Variants in BCAS3 observed in about 807,000 individuals in gnomAD.
The protein encoded by BCAS3 is BCAS3 microtubule associated cell migration factor, also known as BCAS4/BCAS3 fusion.
BCAS3 carries 53 observed loss-of-function variants against 116.1 expected under a neutral mutation model. The ratio of observed to expected loss-of-function variants is 0.46; its 90% CI spans 0.37 to 0.57. The LOEUF (loss-of-function observed/expected upper bound fraction) is 0.57. Among genes scored for constraint, BCAS3 ranks in the 20% least tolerant of loss-of-function variants. BCAS3 has a pLI of 0.00. For missense variants in BCAS3, 917 were observed against 1,165.4 expected (o/e 0.79, Z 3.10); for synonymous variants, 391 against 408.2 (o/e 0.96, Z 0.51).
Position 61,188,268 on chromosome 17 carries a change from T to A in BCAS3, c.2425+103704T>A, listed in dbSNP as rs566257906. Among the ~76,000 whole-genome samples, 1 of 152,352 alleles carries A rather than the reference T, an allele frequency of 6.6e-6. No homozygotes were observed. Among genetic ancestry groups the A allele is most frequent in the Admixed American group, 6.5e-5 (1 of 15,310 alleles). ...AGGATCTATTGAGTTGGTACCCTGA[T>A]ACCTGAAACCTCCTACTTCTCTTTT... On this transcript the variant is annotated intron_variant, in intron 22 of 23. Coordinates refer to ENST00000407086, the MANE Select transcript of BCAS3 (RefSeq NM_017679.5). This position sits in a 1 kb window ranked among gnomAD's most constrained non-coding sequence, Gnocchi z 4.0.
At chr17:60,970,797 A>T (rs145609300) in intron 14 of BCAS3, among the ~76,000 whole-genome samples, 1 of 152,198 alleles carries the variant, frequency 6.6e-6, no homozygotes. Flanking sequence ...TACAATCAGC[A>T]TTGTTGATTT....
At chr17:60,984,974 C>T (rs1354981991) in intron 14 of BCAS3, among the ~76,000 whole-genome samples, 8 of 135,236 alleles carry the variant, frequency 5.9e-5, no homozygotes, top group Non-Finnish European at 9.2e-5. Context: ...TGCACCACTG[C>T]ACTCTAGCCT....
intron 11 of BCAS3, among the ~76,000 whole-genome samples, chr17:60,903,794 G>A (rs2058046326): frequency 6.6e-6 from 1 of 152,120 alleles, no homozygotes; most frequent in African/African-American, 2.4e-5. Flanking sequence ...AAATTATGAT[G>A]GTTATTTCAA....
intron 16 of BCAS3, among the ~76,000 whole-genome samples, chr17:61,016,408 G>A (rs947759456): frequency 1.3e-5 from 2 of 152,162 alleles, no homozygotes; most frequent in African/African-American, 4.8e-5. Context: ...CAAAGCCAGT[G>A]CACTAAGATT....
intron 22 of BCAS3, among the ~76,000 whole-genome samples, chr17:61,193,439 C>A (rs1227395294): frequency 6.6e-6 from 1 of 151,980 alleles, no homozygotes; most frequent in African/African-American, 2.4e-5. Flanking sequence ...TGTCAATAAT[C>A]AAACTTCAAT....
intron 5 of BCAS3, among the ~76,000 whole-genome samples, chr17:60,723,922 A>G (rs1295098339): frequency 6.6e-6 from 1 of 150,638 alleles, no homozygotes; most frequent in Non-Finnish European, 1.5e-5. Flanking sequence ...GGGTTTCACC[A>G]TATTGGCCAG....
rs2050931435 is a variant in BCAS3, at chr17:61,278,145, C to T, written c.2426-90182C>T. Among the ~76,000 whole-genome samples, 1 of 152,192 alleles carries T rather than the reference C, an allele frequency of 6.6e-6. No individual in the cohort carries two copies. The highest frequency in any genetic ancestry group is 1.5e-5 in the Non-Finnish European group (1 of 68,040). On this transcript the variant is annotated intron_variant, in intron 22 of 23. Transcript: ENST00000407086. This position sits in a 1 kb window ranked among gnomAD's most constrained non-coding sequence, Gnocchi z 5.8. ...TCTGCCTCCCGGGTCCTGATTCAAG[C>T]AATTCTCCTGCCTCAGCCTCCCGAG...
At chr17:61,322,834 G>GAGAGAGAGAGAGAGAGAGAGAC (rs1568850659) in intron 22 of BCAS3, among the ~76,000 whole-genome samples, 2 of 131,824 alleles carry the variant, frequency 1.5e-5, no homozygotes, top group African/African-American at 6.8e-5. Context: ...GAGAGACAGA[G>GAGAGAGAGAGAGAGAGAGAGAC]AGAGAGAGAG....
chr17:61,177,863 T>G (rs1041013262), intron 22 of BCAS3, among the ~76,000 whole-genome samples: 1 of 152,198 alleles, frequency 6.6e-6, no homozygotes, highest in African/African-American at 2.4e-5. Flanking sequence ...ACCTGACTTG[T>G]TTCCAAACCC....
At chr17:60,839,456 C>A (rs896370074) in intron 7 of BCAS3, among the ~76,000 whole-genome samples, 1 of 152,090 alleles carries the variant, frequency 6.6e-6, no homozygotes, top group Non-Finnish European at 1.5e-5. Context: ...CCCCTTTGTG[C>A]CTGGTTACCT....
intron 22 of BCAS3, among the ~76,000 whole-genome samples, chr17:61,328,166 AAAAC>A (rs968403121): frequency 2.0e-5 from 3 of 152,204 alleles, no homozygotes; most frequent in Admixed American, 2.0e-4. Flanking sequence ...CTTTAAAAAA[AAAAC>A]CTTAATAACA....
At chr17:61,218,641 G>A (rs1022601853) in intron 22 of BCAS3, among the ~76,000 whole-genome samples, 1 of 152,166 alleles carries the variant, frequency 6.6e-6, no homozygotes, top group African/African-American at 2.4e-5. Context: ...CAGCTGATGG[G>A]CTGAACATCT....
At position 61,352,311 on chromosome 17, in the gene BCAS3, CA is replaced by C. The variant is rs959148592; in HGVS notation, c.2426-16013del. Among the ~76,000 whole-genome samples the C allele has an allele frequency of 2.0e-5, 3 of 152,114 alleles. No individual in the cohort carries two copies. Among genetic ancestry groups the C allele is most frequent in the African/African-American group, 7.2e-5 (3 of 41,416 alleles). ...TCTAATCCAGTATGTACCTTAGGCC[CA>C]AAGATAAAAAGATAGGTTTCTTTGC... is the stretch of plus-strand genomic sequence containing the variant. On this transcript the variant is annotated intron_variant, in intron 22 of 23. Coordinates refer to ENST00000407086, the MANE Select transcript of BCAS3 (RefSeq NM_017679.5). This position sits in a 1 kb window ranked among gnomAD's most constrained non-coding sequence, Gnocchi z 4.7.
At chr17:60,869,868 G>A (rs2054942179) in intron 8 of BCAS3, among the ~76,000 whole-genome samples, 2 of 152,134 alleles carry the variant, frequency 1.3e-5, no homozygotes, top group Non-Finnish European at 2.9e-5. Context: ...AAAGTACAGA[G>A]AAGATTTTTA....
intron 10 of BCAS3, among the ~76,000 whole-genome samples, chr17:60,891,325 G>T (rs1456658270): frequency 2.0e-5 from 3 of 152,156 alleles, no homozygotes; most frequent in African/African-American, 7.2e-5. Flanking sequence ...TGAGGGGAAA[G>T]AACTCCCTTC....
chr17:61,310,884 A>G (rs1254882398), intron 22 of BCAS3, among the ~76,000 whole-genome samples: 2 of 152,208 alleles, frequency 1.3e-5, no homozygotes, highest in African/African-American at 2.4e-5. Context: ...AGGATCTTCT[A>G]TGACATGAGT....
intron 6 of BCAS3, among the ~76,000 whole-genome samples, chr17:60,800,322 G>A (rs574154809): frequency 6.6e-6 from 1 of 152,228 alleles, no homozygotes; most frequent in South Asian, 2.1e-4. Flanking sequence ...GGTATGTAGT[G>A]ATGTCTCACT....
Position 60,920,920 on chromosome 17 carries a change from A to G in BCAS3, c.994-3487A>G, listed in dbSNP as rs1006006178. ...AACAACAACAACAACAACAACAACA[A>G]CAGATACTGGTGGGGCTGTGGAGAA... On this transcript the variant is annotated intron_variant, in intron 12 of 23. Transcript: ENST00000407086. Among the ~76,000 whole-genome samples, 6 of 140,028 alleles carry G rather than the reference A, an allele frequency of 4.3e-5. No homozygotes were observed. The East Asian group carries it at 8.3e-4, about 19-fold the overall frequency. 91.9% of individuals were successfully genotyped at this position (140,028 alleles called of 152,430 possible). A position where few individuals can be genotyped will look rare whatever the true frequency, so the allele number is the denominator to read the frequency against.
chr17:61,386,798 T>TTTTTG, intron 23 of BCAS3, among the ~76,000 whole-genome samples: 1 of 12,832 alleles, frequency 7.8e-5, no homozygotes, highest in Non-Finnish European at 4.8e-4. Context: ...TGTTTTTTGT[T>TTTTTG]TTTTTTTTTT....
Sources: allele counts gnomAD v4.1 joint callset (sites outside exome capture counted in the v4.1 genomes callset), GRCh38; gene constraint gnomAD v4.1.1; non-coding constraint Gnocchi (gnomAD v3.1); transcripts MANE v1.5; gene names NCBI Gene and HGNC (gene_info 2026-07-23, HGNC 2026-07-21).